The following CLASP1 variants were observed in gnomAD, a reference collection of about 807,000 sequenced individuals.
CLASP1 encodes the protein cytoplasmic linker associated protein 1.
A neutral mutation model predicts 192.3 loss-of-function variants in CLASP1; 38 were observed. The ratio of observed to expected loss-of-function variants is 0.20; its 90% CI spans 0.15 to 0.26. The LOEUF (loss-of-function observed/expected upper bound fraction) is 0.26. Ranked by LOEUF, CLASP1 falls within the 10% of genes least tolerant of loss-of-function variation. The probability of loss-of-function intolerance (pLI) is 1.00; values close to 1 mark genes in which losing one functional copy is unlikely to be tolerated. For synonymous variants in CLASP1, 691 were observed against 712.8 expected (o/e 0.97, Z 0.49); for missense variants, 1,433 against 1,932.5 (o/e 0.74, Z 4.85).
intron 30 of CLASP1, among the ~76,000 whole-genome samples, chr2:121,396,139 G>A (rs1234658677): frequency 6.6e-6 from 1 of 152,172 alleles, no homozygotes; most frequent in African/African-American, 2.4e-5. Context: ...CCAGGACTGT[G>A]AACTATTAAT....
intron 2 of CLASP1, among the ~76,000 whole-genome samples, chr2:121,598,075 A>T (rs1263195416): frequency 1.3e-5 from 2 of 152,238 alleles, no homozygotes; most frequent in African/African-American, 4.8e-5. Flanking sequence ...GAGGACAGCC[A>T]TATTCAAAAT....
At chr2:121,525,506 C>T (rs2094554305) in intron 6 of CLASP1, among the ~76,000 whole-genome samples, 1 of 152,120 alleles carries the variant, frequency 6.6e-6, no homozygotes. Flanking sequence ...CCTCCACCCC[C>T]GGCACCACCC....
intron 1 of CLASP1, among the ~76,000 whole-genome samples, chr2:121,620,576 T>C (rs2067173715): frequency 6.6e-6 from 1 of 152,082 alleles, no homozygotes; most frequent in Admixed American, 6.6e-5. Context: ...TCTCGATCTA[T>C]TGACTTAGTG....
At chr2:121,581,441 A>G (rs1294570843) in intron 2 of CLASP1, among the ~76,000 whole-genome samples, 2 of 150,478 alleles carry the variant, frequency 1.3e-5, no homozygotes, top group Non-Finnish European at 3.0e-5. Flanking sequence ...CGCCCGGCTA[A>G]TTTTTTGTAT....
At chr2:121,341,849 C>G (rs2062819092) in intron 39 of CLASP1, among the ~76,000 whole-genome samples, 1 of 152,164 alleles carries the variant, frequency 6.6e-6, no homozygotes, top group Non-Finnish European at 1.5e-5. Context: ...AGTTTCAAAT[C>G]TATTGAAATT....
chr2:121,341,439 C>A (rs933051893), intron 39 of CLASP1, among the ~76,000 whole-genome samples: 1 of 152,148 alleles, frequency 6.6e-6, no homozygotes, highest in East Asian at 1.9e-4. Context: ...TGACACCACG[C>A]CTGACAGTAC....
At chr2:121,368,914 T>A (rs1318865122) in intron 34 of CLASP1, among the ~76,000 whole-genome samples, 2 of 152,204 alleles carry the variant, frequency 1.3e-5, no homozygotes, top group Non-Finnish European at 2.9e-5. Context: ...TGTGTAACCA[T>A]CACCACTATG....
At chr2:121,429,286 AGTGCT>A (rs1369439270) in intron 20 of CLASP1, among the ~76,000 whole-genome samples, 19 of 152,302 alleles carry the variant, frequency 1.2e-4, no homozygotes, top group Admixed American at 9.2e-4. Context: ...TCAGCTAGTG[AGTGCT>A]GTGCTGTGGG....
exon 40 of CLASP1, chr2:121,339,575 G>C (rs1301755031): frequency 2.0e-5 from 3 of 152,114 alleles, no homozygotes; most frequent in Non-Finnish European, 4.4e-5. Flanking sequence ...ACTTTTATTG[G>C]AGTAATTAGG....
At position 121,498,008 on chromosome 2, in the gene CLASP1, C is replaced by T. The variant is rs541569904; in HGVS notation, c.712+5159G>A. Among the ~76,000 whole-genome samples, 21 of 152,058 alleles carry T rather than the reference C, an allele frequency of 1.4e-4. No homozygotes were observed. In the East Asian group the frequency reaches 3.9e-3, roughly 28 times the overall value. On this transcript the variant is annotated intron_variant, in intron 8 of 39. Transcript: ENST00000263710. ...CCAAAGTGCTGGGATTACAGGCGCA[C>T]ACCGCCACGCCCAGCTAATTTTTTG...
intron 14 of CLASP1, among the ~76,000 whole-genome samples, chr2:121,455,504 AAC>A (rs1480909038): frequency 6.6e-6 from 1 of 152,238 alleles, no homozygotes; most frequent in Non-Finnish European, 1.5e-5. Flanking sequence ...CATTTAAGAC[AAC>A]ACAGATAAAC....
intron 12 of CLASP1, 94 bp downstream of exon 12, chr2:121,459,886 T>C: frequency 8.1e-7 from 1 of 1,234,400 alleles, no homozygotes; most frequent in East Asian, 2.5e-5. Flanking sequence ...GAAGTTACAT[T>C]AAAGAGACCC....
chr2:121,436,058 A>C (rs1283394362), intron 19 of CLASP1, among the ~76,000 whole-genome samples: 1 of 150,600 alleles, frequency 6.6e-6, no homozygotes, highest in Non-Finnish European at 1.5e-5. Context: ...TTGAGACAGA[A>C]CTTTACTCTG....
intron 32 of CLASP1, among the ~76,000 whole-genome samples, chr2:121,385,897 T>C (rs374057093): frequency 2.0e-5 from 3 of 152,254 alleles, no homozygotes; most frequent in Non-Finnish European, 4.4e-5. Context: ...AATTATTTAA[T>C]TGTAACAGCC....
chr2:121,540,711 C>G (rs1252864481), intron 2 of CLASP1, among the ~76,000 whole-genome samples: 1 of 151,556 alleles, frequency 6.6e-6, no homozygotes, highest in Non-Finnish European at 1.5e-5. Flanking sequence ...CGCTTGAACC[C>G]GGGAGACAGA....
intron 2 of CLASP1, among the ~76,000 whole-genome samples, chr2:121,585,394 C>T (rs1330774338): frequency 6.6e-6 from 1 of 152,144 alleles, no homozygotes; most frequent in Non-Finnish European, 1.5e-5. Context: ...GTCATGATTT[C>T]AGAGGATGTG....
intron 20 of CLASP1, 112 bp downstream of exon 20, chr2:121,429,961 A>C: frequency 1.3e-6 from 1 of 783,740 alleles, no homozygotes; most frequent in African/African-American, 1.7e-5. Flanking sequence ...TCAGAGCCAC[A>C]AAAAATGTGT....
At chr2:121,453,469 C>T (rs928171519) in intron 14 of CLASP1, among the ~76,000 whole-genome samples, 1 of 152,122 alleles carries the variant, frequency 6.6e-6, no homozygotes, top group Non-Finnish European at 1.5e-5. Context: ...GTCCTAGGGC[C>T]GGCAGTGGTG....
chr2:121,484,706 C>G (rs956989493), intron 8 of CLASP1, among the ~76,000 whole-genome samples: 5 of 152,150 alleles, frequency 3.3e-5, no homozygotes, highest in South Asian at 2.1e-4. Context: ...AAGAAAGGAA[C>G]AAAGGGAGAA....
Sources: allele counts gnomAD v4.1 joint callset (sites outside exome capture counted in the v4.1 genomes callset), GRCh38; gene constraint gnomAD v4.1.1; transcripts MANE v1.5; gene names NCBI Gene and HGNC (gene_info 2026-07-23, HGNC 2026-07-21).